PHTF1: variants seen among roughly 807,000 people sequenced by gnomAD.
The protein encoded by PHTF1 is putative homeodomain transcription factor 1.
Under a neutral mutation model 102.4 loss-of-function variants are expected in PHTF1, and 88 were observed. The ratio of observed to expected loss-of-function variants is 0.86; its 90% CI spans 0.72 to 1.03. PHTF1 has a LOEUF of 1.03. Among genes scored for constraint, PHTF1 ranks in the 50% least tolerant of loss-of-function variants. PHTF1 has a pLI of 0.00. For synonymous variants in PHTF1, 289 were observed against 305.2 expected (o/e 0.95, Z 0.55); for missense variants, 814 against 909.5 (o/e 0.89, Z 1.35).
chr1:113,740,106 G>A (rs1656127071), intron 3 of PHTF1, among the ~76,000 whole-genome samples: 2 of 152,128 alleles, frequency 1.3e-5, no homozygotes, highest in South Asian at 4.1e-4. Flanking sequence ...TGAGACTGCT[G>A]GATCATATGG....
chr1:113,742,830 CAAT>C (rs1211838986), intron 3 of PHTF1, among the ~76,000 whole-genome samples: 4 of 152,102 alleles, frequency 2.6e-5, no homozygotes, highest in Non-Finnish European at 4.4e-5. Flanking sequence ...TTCCTTTCTA[CAAT>C]AATAACTTTT....
intron 7 of PHTF1, among the ~76,000 whole-genome samples, chr1:113,716,975 G>A (rs1008069149): frequency 6.6e-6 from 1 of 152,104 alleles, no homozygotes; most frequent in African/African-American, 2.4e-5. Flanking sequence ...AAGACTAAAA[G>A]ATGAACCAAC....
At chr1:113,719,244 C>T (rs1291614744) in intron 7 of PHTF1, among the ~76,000 whole-genome samples, 2 of 152,112 alleles carry the variant, frequency 1.3e-5, no homozygotes, top group Non-Finnish European at 2.9e-5. Context: ...CTCAGGTGAT[C>T]CACCCACCTC....
chr1:113,745,024 AGGCAGGGCAGGGCAG>A (rs368445019), intron 3 of PHTF1, among the ~76,000 whole-genome samples: 1 of 148,980 alleles, frequency 6.7e-6, no homozygotes, highest in Admixed American at 6.7e-5. Flanking sequence ...GGAGAGGGCA[AGGCAGGGCAGGGCAG>A]GGCAGGGCAG....
intron 7 of PHTF1, among the ~76,000 whole-genome samples, chr1:113,715,682 C>CAAAAAAAAAAA (rs1553226392): frequency 9.2e-5 from 5 of 54,200 alleles, no homozygotes; most frequent in Non-Finnish European, 1.7e-4. Context: ...AAAAAAAAAG[C>CAAAAAAAAAAA]TATTTTGAGG....
Position 113,710,484 on chromosome 1 carries a change from G to A in PHTF1, c.1048-9C>T, listed in dbSNP as rs746623906. On this transcript the variant is annotated splice_polypyrimidine_tract_variant and intron_variant, in intron 10 of 18. Transcript: ENST00000369604. Reference sequence around the variant, plus strand: ...ACACCCGATCTAGAGCCCTTTAAAGGAAAACAAAAAGCAAAAAATGTTATT... The same window carrying A: ...ACACCCGATCTAGAGCCCTTTAAAGAAAAACAAAAAGCAAAAAATGTTATT... 1 of 1,599,514 alleles carries A rather than the reference G, an allele frequency of 6.3e-7. No individual in the cohort carries two copies. Among genetic ancestry groups the A allele is most frequent in the African/African-American group, 1.3e-5 (1 of 74,434 alleles).
In PHTF1 at chr1:113,738,766, T is replaced by C. The variant is rs756577613; in HGVS notation, c.136A>G (p.Ile46Val). The change falls in exon 4 of 19, where the codon ATA becomes GTA. Residue 46 changes from isoleucine to valine, a missense_variant. Ile to Val is a conservative substitution (Grantham distance 29, BLOSUM62 3). Coordinates refer to ENST00000369604, the MANE Select transcript of PHTF1 (RefSeq NM_001323043.2). Reference sequence around the variant, plus strand: ...TCAACGTCAATCAAGTCTGGCTTTATGTGGCCCATCTTTTTCGGTTTGTTT... The same window carrying C: ...TCAACGTCAATCAAGTCTGGCTTTACGTGGCCCATCTTTTTCGGTTTGTTT... The part of the protein sequence containing the change: ...LKNKPKKMGH[I>V]KPDLIDVDLI... The C allele has an allele frequency of 4.4e-6, 7 of 1,605,572 alleles. No individual in the cohort carries two copies. The highest frequency in any genetic ancestry group is 6.0e-6 in the Non-Finnish European group (7 of 1,175,800).
At chr1:113,717,726 AG>A (rs1269693457) in intron 7 of PHTF1, among the ~76,000 whole-genome samples, 6 of 152,170 alleles carry the variant, frequency 3.9e-5, no homozygotes, top group African/African-American at 1.4e-4. Context: ...AGAGAAAATG[AG>A]GAAGAAGCAA....
chr1:113,742,865 G>C (rs1014279666), intron 3 of PHTF1, among the ~76,000 whole-genome samples: 16 of 152,112 alleles, frequency 1.1e-4, no homozygotes, highest in African/African-American at 3.6e-4. Flanking sequence ...ACAGAGTCTT[G>C]CTCTGTTGCC....
chr1:113,709,866 A>G (rs1183781484), intron 11 of PHTF1, among the ~76,000 whole-genome samples: 2 of 152,180 alleles, frequency 1.3e-5, no homozygotes, highest in African/African-American at 4.8e-5. Context: ...TATTTATTTT[A>G]TGCATTGTTC....
chr1:113,728,027 C>A (rs200792540), intron 5 of PHTF1, among the ~76,000 whole-genome samples: 54 of 152,092 alleles, frequency 3.6e-4, no homozygotes, highest in East Asian at 3.3e-3. Flanking sequence ...GGGGTCACAT[C>A]AAGATAAACC....
chr1:113,756,630 T>C (rs971179699), intron 3 of PHTF1, among the ~76,000 whole-genome samples: 2 of 152,186 alleles, frequency 1.3e-5, no homozygotes, highest in African/African-American at 4.8e-5. Context: ...ACTATCCAAT[T>C]ACATTTGGTT....
rs1651402585 is a variant in PHTF1 at position 113,713,131 on chromosome 1, G to A, written c.783+148C>T. 1.3e-5 allele frequency: 9 copies of A among 696,222 alleles called. No homozygotes were observed. In the South Asian group the frequency reaches 1.5e-4, roughly 12 times the overall value. The allele number at this position is 696,222 out of a possible 1,614,324, so 43.1% of individuals were successfully genotyped here. ...TTTAAGACTAAGTTCCAGTCTTCAT[G>A]TGGTATCTTCTTTTCATATCCTGTG... On this transcript the variant is annotated intron_variant, in intron 8 of 18. Coordinates refer to ENST00000369604, the MANE Select transcript of PHTF1 (RefSeq NM_001323043.2).
chr1:113,706,365 T>C (rs973013916), intron 12 of PHTF1, among the ~76,000 whole-genome samples: 2 of 152,128 alleles, frequency 1.3e-5, no homozygotes, highest in East Asian at 3.8e-4. Context: ...ACCTGAACAG[T>C]TGATTATGTT....
At chr1:113,729,136 G>A (rs539806880) in intron 5 of PHTF1, among the ~76,000 whole-genome samples, 1 of 152,358 alleles carries the variant, frequency 6.6e-6, no homozygotes, top group South Asian at 2.1e-4. Context: ...GATGGAACTA[G>A]AGGACATTAT....
intron 10 of PHTF1, among the ~76,000 whole-genome samples, chr1:113,711,096 A>C (rs1264085147): frequency 6.6e-6 from 1 of 152,164 alleles, no homozygotes; most frequent in Non-Finnish European, 1.5e-5. Context: ...TGACCCACTC[A>C]ATTGGCTTAG....
In PHTF1 at chr1:113,724,774, G is replaced by C; in HGVS notation, c.608C>G (p.Thr203Ser). 6.3e-7 allele frequency: 1 copy of C among 1,598,414 alleles called. No individual in the cohort carries two copies. Among genetic ancestry groups the C allele is most frequent in the Non-Finnish European group, 8.5e-7 (1 of 1,175,560 alleles). ...AGACTCCCACCTGTTGCCAAAGATAGTCTCCCAAAAACCACCAATAATGGG... is the reference window on the plus strand; with the variant it reads ...AGACTCCCACCTGTTGCCAAAGATACTCTCCCAAAAACCACCAATAATGGG... ...SVPIIGGFWE[T>S]IFGNRIKRVK... The change falls in exon 7 of 19, where the codon ACT becomes AGT. Residue 203 changes from threonine (T) to serine (S), a missense_variant. Physicochemically the swap from Thr to Ser is moderately conservative, Grantham distance 58. Coordinates refer to ENST00000369604, the MANE Select transcript of PHTF1 (RefSeq NM_001323043.2).
At chr1:113,740,774 A>G (rs1656226750) in intron 3 of PHTF1, among the ~76,000 whole-genome samples, 1 of 152,140 alleles carries the variant, frequency 6.6e-6, no homozygotes, top group African/African-American at 2.4e-5. Context: ...TCACCCCTAT[A>G]ATCCCAGCAC....
intron 5 of PHTF1, 135 bp from the exon 6 acceptor site, chr1:113,726,709 A>G (rs1653895804): frequency 3.5e-6 from 2 of 567,154 alleles, no homozygotes; most frequent in South Asian, 5.8e-5. Flanking sequence ...TACAATGCCC[A>G]TCCAGATGCA....
Sources: gnomAD v4.1 joint callset for allele counts (sites outside exome capture counted in the v4.1 genomes callset) on GRCh38, gnomAD v4.1.1 for gene constraint, MANE v1.5 for transcripts, NCBI Gene and HGNC (gene_info 2026-07-23, HGNC 2026-07-21) for gene names.